Variants in ITSN1 observed in about 807,000 individuals in gnomAD.
ITSN1 encodes intersectin-1.
In ITSN1, 58 loss-of-function variants were observed where a neutral mutation model predicts 239.8. The observed-to-expected ratio is 0.24, with a 90% CI of 0.20 to 0.30. The LOEUF (loss-of-function observed/expected upper bound fraction) is 0.30, where lower values mean the gene tolerates loss of function less well. Among genes scored for constraint, ITSN1 ranks in the 10% least tolerant of loss-of-function variants. ITSN1 has a pLI of 1.00. For missense variants in ITSN1, 1,558 were observed against 2,103.3 expected (o/e 0.74, Z 5.07); for synonymous variants, 780 against 770.8 (o/e 1.01, Z -0.20).
intron 20 of ITSN1, among the ~76,000 whole-genome samples, chr21:33,806,182 G>GC (rs11411742): frequency 0.37 from 55,935 of 151,338 alleles, 11,306 homozygotes; most frequent in Non-Finnish European, 0.46. Flanking sequence ...CTGCACTCCA[G>GC]CCTGGGCAAC....
intron 34 of ITSN1, among the ~76,000 whole-genome samples, chr21:33,879,501 C>G (rs967914435): frequency 1.1e-4 from 16 of 152,190 alleles, no homozygotes; most frequent in Non-Finnish European, 1.8e-4. Context: ...GTGTATAATG[C>G]AAAGGAACAT....
intron 37 of ITSN1, 130 bp from the exon 38 acceptor site, chr21:33,885,309 A>G: frequency 9.7e-7 from 1 of 1,027,652 alleles, no homozygotes; most frequent in South Asian, 1.4e-5. Flanking sequence ...CAAGGAAGCA[A>G]GTGTTTAAGG....
intron 1 of ITSN1, among the ~76,000 whole-genome samples, chr21:33,668,806 C>T (rs1601535979): frequency 6.6e-6 from 1 of 152,188 alleles, no homozygotes; most frequent in African/African-American, 2.4e-5. Context: ...GGTCAGTGAC[C>T]CCACACTTGG....
At chr21:33,793,876 C>CT (rs1285557419) in intron 16 of ITSN1, among the ~76,000 whole-genome samples, 3 of 152,108 alleles carry the variant, frequency 2.0e-5, no homozygotes, top group African/African-American at 7.2e-5. Flanking sequence ...TCTAAGGCAG[C>CT]TTAGTGAAAG....
chr21:33,838,072 A>G, intron 29 of ITSN1: 1 of 985,854 alleles, frequency 1.0e-6, no homozygotes. Context: ...GAATTTCTAC[A>G]GATTAATATG....
In ITSN1 at chr21:33,718,148, T is replaced by TA. The variant is rs563195389; in HGVS notation, c.-32-647dup. 6.8e-4 allele frequency among the ~76,000 whole-genome samples: 104 copies of TA among 152,342 alleles called. 2 individuals are homozygous for TA. The South Asian group carries it at 0.02, about 29-fold the overall frequency. ...CATAATATGGGGATGGTAATAATGG[T>TA]AACCTATCTCACAGGGCTGTGATGA... On this transcript the variant is annotated intron_variant, in intron 1 of 39. Coordinates refer to ENST00000381318, the MANE Select transcript of ITSN1 (RefSeq NM_003024.3).
At chr21:33,851,479 A>C (rs11911181) in intron 29 of ITSN1, among the ~76,000 whole-genome samples, 9 of 150,078 alleles carry the variant, frequency 6.0e-5, no homozygotes, top group Admixed American at 6.0e-4. Context: ...GCTCACTGCA[A>C]CCTCCACCTC....
At position 33,890,041 on chromosome 21, in the gene ITSN1, T is replaced by G. The variant is rs1180279005; in HGVS notation, c.*1741T>G. The G allele has an allele frequency of 6.6e-6, 1 of 152,226 alleles. No individual in the cohort carries two copies. The highest frequency in any genetic ancestry group is 2.4e-5 in the African/African-American group (1 of 41,452). 9.4% of individuals were successfully genotyped at this position (152,226 alleles called of 1,614,324 possible). On this transcript the variant is annotated 3_prime_UTR_variant, in exon 40 of 40. Transcript: ENST00000381318. Reference sequence around the variant, plus strand: ...GTAGTTAGAAACTTTCAACTGAACATGTTAGAGACCAAGTTTAACTTCAGG... The same window carrying G: ...GTAGTTAGAAACTTTCAACTGAACAGGTTAGAGACCAAGTTTAACTTCAGG...
chr21:33,746,948 GT>G (rs2067221218), intron 5 of ITSN1, among the ~76,000 whole-genome samples: 1 of 152,204 alleles, frequency 6.6e-6, no homozygotes, highest in Non-Finnish European at 1.5e-5. Context: ...GAGGTTAGAA[GT>G]TGGAGACCAG....
chr21:33,720,579 C>T (rs2065423623), intron 2 of ITSN1, among the ~76,000 whole-genome samples: 2 of 151,662 alleles, frequency 1.3e-5, no homozygotes, highest in South Asian at 4.2e-4. Flanking sequence ...TTTTTTAAGT[C>T]TGTTTCCTGC....
At chr21:33,746,620 C>T (rs567759858) in intron 5 of ITSN1, among the ~76,000 whole-genome samples, 2 of 152,166 alleles carry the variant, frequency 1.3e-5, no homozygotes, top group Non-Finnish European at 2.9e-5. Flanking sequence ...GCCTGTGGAT[C>T]ACCTGAGGTA....
chr21:33,718,201 A>T (rs2065278409), intron 1 of ITSN1, among the ~76,000 whole-genome samples: 1 of 152,190 alleles, frequency 6.6e-6, no homozygotes, highest in African/African-American at 2.4e-5. Context: ...ACCTATAATA[A>T]ATTACCTAGT....
chr21:33,878,531 T>C (rs991560844), intron 34 of ITSN1, among the ~76,000 whole-genome samples: 3 of 152,160 alleles, frequency 2.0e-5, no homozygotes, highest in African/African-American at 7.2e-5. Flanking sequence ...AGAATGTGTC[T>C]CCCTCATCCA....
chr21:33,814,406 C>A, intron 22 of ITSN1: 1 of 256,330 alleles, frequency 3.9e-6, no homozygotes. Flanking sequence ...TGGGAAGGCT[C>A]GAAGGCAGAC....
At chr21:33,699,625 A>G (rs1283105062) in intron 1 of ITSN1, among the ~76,000 whole-genome samples, 1 of 152,208 alleles carries the variant, frequency 6.6e-6, no homozygotes, top group African/African-American at 2.4e-5. Context: ...AGACTGAGGT[A>G]GGAGGATGGC....
chr21:33,862,364 A>G (rs1460432173), intron 31 of ITSN1, among the ~76,000 whole-genome samples: 3 of 152,308 alleles, frequency 2.0e-5, no homozygotes, highest in South Asian at 2.1e-4. Context: ...TTTTAACTTA[A>G]GAAGAATGGA....
At chr21:33,868,485 T>C (rs7282016) in intron 33 of ITSN1, among the ~76,000 whole-genome samples, 68,749 of 152,086 alleles carry the variant, frequency 0.45, 16,228 homozygotes, top group East Asian at 0.52. Context: ...TAAGGCCCGC[T>C]GAGAAATCGA....
At chr21:33,657,065 G>A (rs145717198) in intron 1 of ITSN1, among the ~76,000 whole-genome samples, 136 of 152,190 alleles carry the variant, frequency 8.9e-4, no homozygotes, top group Non-Finnish European at 1.8e-3. Context: ...GAGGGTACAT[G>A]CACAGGTTTG....
At chr21:33,871,479 C>T (rs574644362) in intron 33 of ITSN1, among the ~76,000 whole-genome samples, 5 of 151,326 alleles carry the variant, frequency 3.3e-5, no homozygotes, top group African/African-American at 1.2e-4. Flanking sequence ...TGTGGTGGCT[C>T]ACACTTGTAA....
Sources: allele counts gnomAD v4.1 joint callset (sites outside exome capture counted in the v4.1 genomes callset), GRCh38; gene constraint gnomAD v4.1.1; transcripts MANE v1.5; gene names NCBI Gene and HGNC (gene_info 2026-07-23, HGNC 2026-07-21).